Variants in CFAP92 observed in about 807,000 individuals in gnomAD.
The protein encoded by CFAP92 is cilia and flagella associated protein 92 (putative).
A neutral mutation model predicts 106.3 loss-of-function variants in CFAP92; 86 were observed. The observed-to-expected ratio is 0.81, with a 90% confidence interval of 0.68 to 0.97. The LOEUF is 0.97. CFAP92 is among the 50% of genes least tolerant of loss of function. The pLI is 0.00. For missense variants in CFAP92, 1,204 were observed against 1,283.8 expected (o/e 0.94, Z 0.95); for synonymous variants, 477 against 506.4 (o/e 0.94, Z 0.78).
chr3:128,988,714 A>T lies in CFAP92; in HGVS notation c.453+14T>A. 6.2e-7 allele frequency: 1 copy of T among 1,612,998 alleles called. No individual in the cohort carries two copies. The highest frequency in any genetic ancestry group is 1.1e-5 in the South Asian group (1 of 91,036). Reference sequence around the variant, plus strand: ...TCAGACCATACACAAGGCCACACACACTCACACACGCACCTTTACTCCTGA... The same window carrying T: ...TCAGACCATACACAAGGCCACACACTCTCACACACGCACCTTTACTCCTGA... On this transcript the variant is annotated intron_variant, in intron 3 of 15. Coordinates refer to ENST00000645291, the MANE Select transcript of CFAP92 (RefSeq NM_001394090.1).
chr3:129,013,100 G>T, the CFAP92 span, among the ~76,000 whole-genome samples: 3 of 152,284 alleles, frequency 2.0e-5, no homozygotes, highest in African/African-American at 7.2e-5. Context: ...ACTTTCACAT[G>T]ACCTGGCCTA....
intron 1 of CFAP92, chr3:129,002,217 T>G: frequency 6.5e-7 from 1 of 1,528,772 alleles, no homozygotes; most frequent in Non-Finnish European, 8.7e-7. Context: ...CGGTCCTGAC[T>G]GTGAGCGCGT....
the CFAP92 span, among the ~76,000 whole-genome samples, chr3:129,017,449 G>A: frequency 5.9e-5 from 9 of 152,212 alleles, no homozygotes; most frequent in Admixed American, 3.9e-4. Context: ...GCACAAGCTC[G>A]CACAAGGCCG....
upstream of CFAP92, among the ~76,000 whole-genome samples, chr3:129,005,619 G>A (rs1945039384): frequency 6.6e-6 from 1 of 152,276 alleles, no homozygotes; most frequent in Non-Finnish European, 1.5e-5. Flanking sequence ...GCAGAGCCCA[G>A]TGAGGGGCTC....
chr3:129,008,732 C>G, the CFAP92 span, among the ~76,000 whole-genome samples: 7 of 152,268 alleles, frequency 4.6e-5, no homozygotes, highest in East Asian at 1.9e-4. Context: ...ATAGAAGCCT[C>G]CCAGGTGTCA....
chr3:128,999,163 C>T (rs1032740294), intron 1 of CFAP92, among the ~76,000 whole-genome samples: 2 of 152,200 alleles, frequency 1.3e-5, no homozygotes, highest in East Asian at 3.8e-4. Context: ...CACAGACACA[C>T]GCCCATCCCC....
chr3:129,019,011 C>T, the CFAP92 span, among the ~76,000 whole-genome samples: 1 of 152,182 alleles, frequency 6.6e-6, no homozygotes, highest in Non-Finnish European at 1.5e-5. Flanking sequence ...ACACCAAGTG[C>T]GTGTCCTCCC....
upstream of CFAP92, among the ~76,000 whole-genome samples, chr3:129,004,588 C>T (rs1300779666): frequency 6.6e-6 from 1 of 151,118 alleles, no homozygotes; most frequent in Non-Finnish European, 1.5e-5. Context: ...CCACAAACAC[C>T]CTCTATTTGT....
upstream of CFAP92, among the ~76,000 whole-genome samples, chr3:128,996,971 G>C (rs2107833869): frequency 6.6e-6 from 1 of 152,366 alleles, no homozygotes; most frequent in African/African-American, 2.4e-5. Context: ...CAAAGAAGAA[G>C]TTGCAAGGCC....
chr3:128,965,601 C>T lies in CFAP92; in HGVS notation c.1263G>A (p.Glu421=), dbSNP rs917813108. 10 of 398,790 alleles carry T rather than the reference C, an allele frequency of 2.5e-5. No individual in the cohort carries two copies. Among genetic ancestry groups the T allele is most frequent in the Non-Finnish European group, 3.5e-5 (8 of 226,044 alleles). The allele number at this position is 398,790 out of a possible 1,614,324, so 24.7% of individuals were successfully genotyped here. The change falls in exon 9 of 16, where the codon GAG becomes GAA. Residue 421 remains glutamate (E), a synonymous_variant. Coordinates refer to ENST00000645291, the MANE Select transcript of CFAP92 (RefSeq NM_001394090.1). ...GGGGATTTAAATCCTGCTTTTGCTC[C>T]TCGGTCATGATCGGAACTTCTGTTT... ...TLKTEVPIMT[E]EQKQDLNPLT...
At chr3:128,963,724 T>G (rs1040291267) in intron 9 of CFAP92, among the ~76,000 whole-genome samples, 5 of 150,018 alleles carry the variant, frequency 3.3e-5, no homozygotes, top group African/African-American at 9.9e-5. Flanking sequence ...CAGGCTATGC[T>G]ATAGTACAAG....
At chr3:128,993,954 G>C in intron 1 of CFAP92, 26 bp downstream of exon 1, 1 of 988,106 alleles carries the variant, frequency 1.0e-6, no homozygotes, top group Non-Finnish European at 1.2e-6. Context: ...CAGGGGTCGG[G>C]GTTCCCCTCC....
chr3:128,945,417 T>C lies in CFAP92; in HGVS notation c.1912A>G (p.Ile638Val), dbSNP rs554959598. The C allele has an allele frequency of 6.8e-4, 1,051 of 1,536,134 alleles. 4 individuals carry two copies. Among genetic ancestry groups the C allele is most frequent in the Middle Eastern group, 2.2e-3 (13 of 5,990 alleles). ...ADSQLKLRVD[I>V]AVPLRAGARA... is the part of the protein sequence containing the mutation. ...GCCCCGGCCCTCAGTGGCACCGCGA[T>C]GTCCACTCGCAACTTGAGCTGGGAG... The change falls in exon 10 of 16, where the codon ATC (isoleucine) becomes GTC (valine). Residue 638 changes from isoleucine (I) to valine (V), a missense_variant. By Grantham distance (29) the Ile-to-Val change is conservative (BLOSUM62 3). Coordinates refer to ENST00000645291, the MANE Select transcript of CFAP92 (RefSeq NM_001394090.1).
Position 128,945,984 on chromosome 3 carries a change from G to A in CFAP92, c.1354-9C>T. The stretch of plus-strand genomic sequence containing the variant: ...ACAGGCATGCACAGCCTCTACGAGA[G>A]AGCAGGGCCACAGCAGGTCACCCAG... On this transcript the variant is annotated splice_polypyrimidine_tract_variant and intron_variant, in intron 9 of 15. Transcript: ENST00000645291. 1 of 1,421,902 alleles carries A rather than the reference G, an allele frequency of 7.0e-7. No individual in the cohort carries two copies. The allele number at this position is 1,421,902 out of a possible 1,614,324, so 88.1% of individuals were successfully genotyped here. A position where few individuals can be genotyped will look rare whatever the true frequency, so the allele number is the denominator to read the frequency against.
chr3:128,963,814 C>T (rs1942148170), intron 9 of CFAP92, among the ~76,000 whole-genome samples: 2 of 149,916 alleles, frequency 1.3e-5, no homozygotes, highest in Non-Finnish European at 3.0e-5. Flanking sequence ...TCTCAGTGTT[C>T]CATCTGCTAT....
At chr3:128,988,114 G>A (rs2107814449) in intron 3 of CFAP92, among the ~76,000 whole-genome samples, 1 of 152,360 alleles carries the variant, frequency 6.6e-6, no homozygotes, top group South Asian at 2.1e-4. Flanking sequence ...ACTGGCAGGA[G>A]TGTGTGTGTG....
chr3:129,001,346 G>T (rs1944731758), intron 1 of CFAP92, among the ~76,000 whole-genome samples: 1 of 152,234 alleles, frequency 6.6e-6, no homozygotes, highest in Admixed American at 6.5e-5. Flanking sequence ...GAGAGCGTGG[G>T]AGTCACGCGG....
chr3:128,931,255 C>T (rs1381925324), intron 12 of CFAP92, among the ~76,000 whole-genome samples: 1 of 152,118 alleles, frequency 6.6e-6, no homozygotes, highest in African/African-American at 2.4e-5. Context: ...GGCGTGATCT[C>T]AGCTCACTGC....
intron 12 of CFAP92, among the ~76,000 whole-genome samples, chr3:128,931,727 C>T (rs1938417538): frequency 6.6e-6 from 1 of 151,834 alleles, no homozygotes; most frequent in South Asian, 2.1e-4. Flanking sequence ...GTTTTTTCCA[C>T]TAATGGAAAA....
Sources: gnomAD v4.1 joint callset for allele counts (sites outside exome capture counted in the v4.1 genomes callset) on GRCh38, gnomAD v4.1.1 for gene constraint, MANE v1.5 for transcripts, NCBI Gene and HGNC (gene_info 2026-07-23, HGNC 2026-07-21) for gene names.